NKD2: variants seen among roughly 807,000 people sequenced by gnomAD.
NKD2 encodes protein naked cuticle homolog 2.
In NKD2, 43 loss-of-function variants were observed where a neutral mutation model predicts 34.8. The ratio of observed to expected loss-of-function variants is 1.24; its 90% confidence interval spans 0.97 to 1.60. The LOEUF (loss-of-function observed/expected upper bound fraction) is 1.60, where lower values mean the gene tolerates loss of function less well. NKD2 is among the 40% of genes most tolerant of loss of function. The probability of loss-of-function intolerance (pLI) is 0.00; values close to 1 mark genes in which losing one functional copy is unlikely to be tolerated. For missense variants in NKD2, 675 were observed against 627.1 expected, an observed-to-expected ratio of 1.08 and a Z score of -0.82; for synonymous variants, 278 against 265.1, an observed-to-expected ratio of 1.05 and a Z score of -0.47.
chr5:1,015,364 C>T (rs555886053), intron 3 of NKD2, among the ~76,000 whole-genome samples: 1 of 152,216 alleles, frequency 6.6e-6, no homozygotes, highest in Non-Finnish European at 1.5e-5. Context: ...CTCCTGGCTG[C>T]TGTTCTTGAG....
intron 7 of NKD2, 53 bp from the exon 8 acceptor site, chr5:1,035,336 G>A: frequency 7.3e-7 from 1 of 1,362,498 alleles, no homozygotes; most frequent in Non-Finnish European, 1.0e-6. Flanking sequence ...ATGAATGAGT[G>A]AATGCTGAAT....
At chr5:1,031,136 C>T (rs1283198302) in intron 3 of NKD2, among the ~76,000 whole-genome samples, 1 of 152,164 alleles carries the variant, frequency 6.6e-6, no homozygotes, top group Non-Finnish European at 1.5e-5. Context: ...AGCCTCCTGC[C>T]TGGGCCAGAC....
Position 1,032,227 on chromosome 5 carries a change from C to A in NKD2, c.202+15C>A. ...TCCCCTACAGGGTGAGTGCAGCTCC[C>A]GCAGCCCTCCCTCCCCAAACTCACA... On this transcript the variant is annotated intron_variant, in intron 4 of 9. Transcript: ENST00000296849. 1 of 1,598,202 alleles carries A rather than the reference C, an allele frequency of 6.3e-7. No individual in the cohort carries two copies. The highest frequency in any genetic ancestry group is 8.6e-7 in the Non-Finnish European group (1 of 1,168,702).
chr5:1,027,113 C>T (rs1054394521), intron 3 of NKD2, among the ~76,000 whole-genome samples: 2 of 152,224 alleles, frequency 1.3e-5, no homozygotes, highest in Non-Finnish European at 2.9e-5. Context: ...GGGCACAGCT[C>T]GAGAGCCACT....
rs1409046883 is a variant in NKD2 at position 1,034,233 on chromosome 5, A to G, written c.331-2A>G. On this transcript the variant is annotated splice_acceptor_variant, in intron 5 of 9. Coordinates refer to ENST00000296849, the MANE Select transcript of NKD2 (RefSeq NM_033120.4). LOFTEE classifies it high-confidence loss of function. ...GGTCCCGGCCCCCACGTCCCCCCACAGGCACTCCAGTGCGATGTCTCGGTG... is the reference window on the plus strand; with the variant it reads ...GGTCCCGGCCCCCACGTCCCCCCACGGGCACTCCAGTGCGATGTCTCGGTG... The G allele has an allele frequency of 6.2e-7, 1 of 1,608,426 alleles. No homozygotes were observed. Among genetic ancestry groups the G allele is most frequent in the Non-Finnish European group, 8.5e-7 (1 of 1,178,536 alleles).
chr5:1,036,927 G>A (rs1229112814), intron 9 of NKD2: 3 of 391,944 alleles, frequency 7.7e-6, no homozygotes, highest in Non-Finnish European at 1.5e-5. Context: ...GTGGACGGCG[G>A]GCAGTGTGGA....
In NKD2 at chr5:1,032,169, C is replaced by A; in HGVS notation, c.159C>A (p.Asp53Glu). The change falls in exon 4 of 10, where the codon GAC becomes GAA. Residue 53 changes from aspartate to glutamate, a missense_variant. Physicochemically the swap from Asp to Glu is conservative, Grantham distance 45. Transcript: ENST00000296849. ...TCCTGCAGGAGCTGCCCAATGGGGA[C>A]CCCAAGGAGGGGCCTTTCCGGGAGG... ...ARDKQELPNG[D>E]PKEGPFREDQ... is the part of the protein sequence containing the mutation. 1 of 1,611,114 alleles carries A rather than the reference C, an allele frequency of 6.2e-7. No individual in the cohort carries two copies. Among genetic ancestry groups the A allele is most frequent in the Non-Finnish European group, 8.5e-7 (1 of 1,179,196 alleles).
rs1008448345 is a variant in NKD2 at position 1,034,438 on chromosome 5, C to T, written c.426+108C>T. Reference sequence around the variant, plus strand: ...GGGGCAGGAGGGGACCTGCCTGCTGCGAGGTCCTCATGCCAGCTGGGCTTG... The same window carrying T: ...GGGGCAGGAGGGGACCTGCCTGCTGTGAGGTCCTCATGCCAGCTGGGCTTG... On this transcript the variant is annotated intron_variant, in intron 6 of 9. Coordinates refer to ENST00000296849, the MANE Select transcript of NKD2 (RefSeq NM_033120.4). 9.5e-5 allele frequency: 87 copies of T among 911,414 alleles called. 1 individual carries two copies. The highest frequency in any genetic ancestry group is 1.6e-4 in the Admixed American group (7 of 44,562). 56.5% of individuals were successfully genotyped at this position (911,414 alleles called of 1,614,324 possible).
rs1756733771 is a variant in NKD2 at position 1,033,558 on chromosome 5, A to T, written c.330+59A>T. The T allele has an allele frequency of 2.0e-6, 3 of 1,509,334 alleles. No homozygotes were observed. The South Asian group carries it at 3.8e-5, about 19-fold the overall frequency. The allele number at this position is 1,509,334 out of a possible 1,614,324, so 93.5% of individuals were successfully genotyped here. On this transcript the variant is annotated intron_variant, in intron 5 of 9. Coordinates refer to ENST00000296849, the MANE Select transcript of NKD2 (RefSeq NM_033120.4). ...CGTCCCTGGGGCCGGGGGCTCAGGGACAGGCATGTGTTGCCCTAAACTGGG... is the reference window on the plus strand; with the variant it reads ...CGTCCCTGGGGCCGGGGGCTCAGGGTCAGGCATGTGTTGCCCTAAACTGGG...
At chr5:1,033,877 A>G (rs961695925) in intron 5 of NKD2, among the ~76,000 whole-genome samples, 5 of 152,220 alleles carry the variant, frequency 3.3e-5, no homozygotes, top group Non-Finnish European at 7.3e-5. Context: ...GGGCTCAGGG[A>G]GGACTGGGGT....
chr5:1,035,927 G>C (rs1416352184), intron 8 of NKD2: 2 of 372,524 alleles, frequency 5.4e-6, no homozygotes, highest in South Asian at 5.6e-5. Flanking sequence ...GGGGGTGGCT[G>C]GGTGGCTGGG....
chr5:1,036,224 C>T (rs749933599), intron 8 of NKD2, 33 bp from the exon 9 acceptor site: 94 of 1,547,740 alleles, frequency 6.1e-5, no homozygotes, highest in East Asian at 2.1e-4. Context: ...CCAGTCTGTG[C>T]GGGGGTCAGG....
At chr5:1,017,694 C>T (rs752433165) in intron 3 of NKD2, among the ~76,000 whole-genome samples, 31 of 152,352 alleles carry the variant, frequency 2.0e-4, no homozygotes, top group Admixed American at 3.9e-4. Context: ...GCCCTGCAGC[C>T]CCAGGGCCTG....
chr5:1,027,187 C>G (rs1338792615), intron 3 of NKD2, among the ~76,000 whole-genome samples: 3 of 152,244 alleles, frequency 2.0e-5, no homozygotes, highest in Non-Finnish European at 4.4e-5. Flanking sequence ...AAACTTCGAG[C>G]CAGGGGCTCC....
intron 3 of NKD2, among the ~76,000 whole-genome samples, chr5:1,019,805 C>T (rs1376444457): frequency 6.6e-6 from 1 of 152,108 alleles, no homozygotes; most frequent in Non-Finnish European, 1.5e-5. Context: ...AATTAATCTT[C>T]CTTTGAAATA....
intron 5 of NKD2, 64 bp downstream of exon 5, chr5:1,033,563 C>T: frequency 6.7e-7 from 1 of 1,495,068 alleles, no homozygotes; most frequent in East Asian, 2.5e-5. Context: ...CAGGGACAGG[C>T]ATGTGTTGCC....
Position 1,036,384 on chromosome 5 carries a change from G to C in NKD2, c.787G>C (p.Gly263Arg), listed in dbSNP as rs770302023. The change falls in exon 9 of 10, where the codon GGG becomes CGG. Residue 263 changes from glycine (G) to arginine (R), a missense_variant and splice_region_variant. Physicochemically the swap from Gly to Arg is moderately radical, Grantham distance 125 (BLOSUM62 -2). Coordinates refer to ENST00000296849, the MANE Select transcript of NKD2 (RefSeq NM_033120.4). ...GAACTACACGTCCAGATTCGGCCCT[G>C]GTAGGTCCTGGAGGCCACCCTGGGC... The part of the protein sequence containing the change: ...IENYTSRFGP[G>R]SPPVQAKQEP... 5 of 1,611,302 alleles carry C rather than the reference G, an allele frequency of 3.1e-6. No homozygotes were observed. The highest frequency in any genetic ancestry group is 1.7e-5 in the Admixed American group (1 of 59,882).
intron 3 of NKD2, among the ~76,000 whole-genome samples, chr5:1,027,042 A>G (rs536464925): frequency 6.6e-6 from 1 of 152,342 alleles, no homozygotes; most frequent in South Asian, 2.1e-4. Context: ...GGTGACAATG[A>G]CCACAGGACA....
intron 4 of NKD2, 58 bp from the exon 5 acceptor site, chr5:1,033,314 C>A: frequency 6.7e-7 from 1 of 1,482,018 alleles, no homozygotes; most frequent in Non-Finnish European, 9.2e-7. Context: ...TCCCCAATGG[C>A]GGGCCACATC....
Sources: gnomAD v4.1 joint callset for allele counts (sites outside exome capture counted in the v4.1 genomes callset) on GRCh38, gnomAD v4.1.1 for gene constraint, MANE v1.5 for transcripts, NCBI Gene and HGNC (gene_info 2026-07-23, HGNC 2026-07-21) for gene names.